WDFY4: variants seen among roughly 807,000 people sequenced by gnomAD.
The protein encoded by WDFY4 is WD repeat- and FYVE domain-containing protein 4.
A neutral mutation model predicts 351.9 loss-of-function variants in WDFY4; 169 were observed. The ratio of observed to expected loss-of-function variants is 0.48; its 90% CI spans 0.42 to 0.55. The LOEUF is 0.55. Ranked by LOEUF, WDFY4 falls within the 20% of genes least tolerant of loss-of-function variation. The pLI is 0.00. For synonymous variants in WDFY4, 1,622 were observed against 1,574.6 expected, an observed-to-expected ratio of 1.03 and a Z score of -0.71; for missense variants, 3,803 against 3,935.6, an observed-to-expected ratio of 0.97 and a Z score of 0.90.
chr10:48,729,654 G>A (rs1466927402), intron 8 of WDFY4, 65 bp downstream of exon 8: 94 of 1,515,462 alleles, frequency 6.2e-5, no homozygotes, highest in Non-Finnish European at 8.3e-5. Flanking sequence ...GGCTACAGAG[G>A]GTCTTCTCCT....
rs368670265 is a variant in WDFY4 at position 48,976,909 on chromosome 10, G to T, written c.9221G>T (p.Cys3074Phe). 281 of 1,538,282 alleles carry T rather than the reference G, an allele frequency of 1.8e-4. 1 individual carries two copies. The highest frequency in any genetic ancestry group is 2.2e-4 in the Non-Finnish European group (255 of 1,139,608). ...CCAGAAGGAGCCATAACCTGCTGCT[G>T]CCTGATGGAGGGCCCAGCATGGGAC... ...WGPEGAITCC[C>F]LMEGPAWDTS... The change falls in exon 59 of 62, where the codon TGC (cysteine) becomes TTC (phenylalanine). Residue 3074 changes from cysteine (C) to phenylalanine (F), a missense_variant. This residue lies in a region of WDFY4 where 3,054 missense variants were observed against 3,148.6 expected (regional missense o/e 0.97). Transcript: ENST00000325239.
At chr10:48,860,022 A>C (rs1300106883) in intron 39 of WDFY4, among the ~76,000 whole-genome samples, 1 of 152,236 alleles carries the variant, frequency 6.6e-6, no homozygotes. Context: ...TATGCCTGCC[A>C]GGTCAGTAGA....
intron 1 of WDFY4, among the ~76,000 whole-genome samples, chr10:48,706,815 C>T (rs2063643884): frequency 6.6e-6 from 1 of 152,104 alleles, no homozygotes; most frequent in Non-Finnish European, 1.5e-5. Flanking sequence ...TTTTATAGTA[C>T]TGAATAATTG....
At chr10:48,916,743 C>T (rs1449665999) in intron 47 of WDFY4, among the ~76,000 whole-genome samples, 1 of 152,166 alleles carries the variant, frequency 6.6e-6, no homozygotes, top group East Asian at 1.9e-4. Flanking sequence ...CCTGAGCTGC[C>T]TCTGTTTAAA....
At chr10:48,697,621 C>T (rs907751642) in intron 1 of WDFY4, among the ~76,000 whole-genome samples, 1 of 152,164 alleles carries the variant, frequency 6.6e-6, no homozygotes, top group Non-Finnish European at 1.5e-5. Context: ...TCCAGGGTCC[C>T]GCCTTCTTTC....
At position 48,877,076 on chromosome 10, in the gene WDFY4, G is replaced by C. The variant is rs908918165; in HGVS notation, c.7044G>C (p.Val2348=). Residue 2348 remains valine, a synonymous_variant, in exon 43 of 62, where the codon GTG becomes GTC. Coordinates refer to ENST00000325239, the MANE Select transcript of WDFY4 (RefSeq NM_001394531.1). ...LREAEGEPDE[V]GVDCTQLTFF... Reference sequence around the variant, plus strand: ...AGGCTGAGGGCGAGCCGGACGAGGTGGGGGTGGACTGCACCCAGCTGACCT... The same window carrying C: ...AGGCTGAGGGCGAGCCGGACGAGGTCGGGGTGGACTGCACCCAGCTGACCT... 26 of 1,530,344 alleles carry C rather than the reference G, an allele frequency of 1.7e-5. No individual in the cohort carries two copies. Among genetic ancestry groups the C allele is most frequent in the Non-Finnish European group, 1.9e-5 (22 of 1,135,124 alleles). 94.8% of individuals were successfully genotyped at this position (1,530,344 alleles called of 1,614,324 possible).
At chr10:48,744,364 G>A (rs1220403886) in intron 12 of WDFY4, among the ~76,000 whole-genome samples, 1 of 152,228 alleles carries the variant, frequency 6.6e-6, no homozygotes, top group Non-Finnish European at 1.5e-5. Context: ...ATGGTAGAGA[G>A]AAGGATGCAT....
intron 47 of WDFY4, among the ~76,000 whole-genome samples, chr10:48,922,494 A>G (rs551359038): frequency 3.2e-4 from 48 of 152,236 alleles, no homozygotes; most frequent in Non-Finnish European, 6.2e-4. Context: ...TGAATCTTCT[A>G]TCTGTGAAGT....
In WDFY4 at chr10:48,886,794, C is replaced by A. The variant is rs1162248175; in HGVS notation, c.7168-3785C>A. Among the ~76,000 whole-genome samples the A allele has an allele frequency of 5.9e-5, 9 of 152,366 alleles. 1 individual carries two copies. Among genetic ancestry groups the A allele is most frequent in the African/African-American group, 2.2e-4 (9 of 41,590 alleles). On this transcript the variant is annotated intron_variant, in intron 43 of 61. Coordinates refer to ENST00000325239, the MANE Select transcript of WDFY4 (RefSeq NM_001394531.1). ...AACCTGTTTGTCATCATACACAGAG[C>A]TAGCTGTGGCTACTTTCTTAGTTAT...
chr10:48,914,293 G>A (rs1186509047), intron 47 of WDFY4: 13 of 896,620 alleles, frequency 1.4e-5, no homozygotes, highest in African/African-American at 1.2e-4. Context: ...GCTCCCCCAC[G>A]TCATGACGCT....
intron 40 of WDFY4, among the ~76,000 whole-genome samples, chr10:48,871,504 T>C (rs1157655507): frequency 1.3e-5 from 2 of 151,536 alleles, no homozygotes; most frequent in Non-Finnish European, 2.9e-5. Context: ...AAGGAGGGTC[T>C]TATTTTGTTG....
chr10:48,977,871 C>T lies in WDFY4; in HGVS notation c.9292-438C>T, dbSNP rs192414557. Among the ~76,000 whole-genome samples the T allele has an allele frequency of 9.6e-4, 146 of 152,290 alleles. 1 individual carries two copies. The highest frequency in any genetic ancestry group is 8.4e-3 in the Admixed American group (128 of 15,298). ...TGAGAAGCCATTTTGAGTGAGTTGG[C>T]CTCAGGGCTCCCACAGTAGGCTTAG... On this transcript the variant is annotated intron_variant, in intron 59 of 61. Coordinates refer to ENST00000325239, the MANE Select transcript of WDFY4 (RefSeq NM_001394531.1).
At chr10:48,946,435 T>A (rs1841046903) in intron 50 of WDFY4, among the ~76,000 whole-genome samples, 1 of 152,272 alleles carries the variant, frequency 6.6e-6, no homozygotes, top group African/African-American at 2.4e-5. Flanking sequence ...TAAGAGGTAA[T>A]GACTCCATGC....
intron 47 of WDFY4, among the ~76,000 whole-genome samples, chr10:48,938,955 G>T (rs572761695): frequency 6.6e-6 from 1 of 152,154 alleles, no homozygotes; most frequent in Non-Finnish European, 1.5e-5. Flanking sequence ...CCGGGTAACC[G>T]CCACAATCCT....
intron 47 of WDFY4, chr10:48,914,113 G>A (rs867883375): frequency 6.8e-6 from 11 of 1,614,166 alleles, no homozygotes; most frequent in Non-Finnish European, 8.5e-6. Flanking sequence ...GCCACCTTGA[G>A]GGTGATCTTC....
chr10:48,741,179 G>C (rs1249592970), intron 11 of WDFY4, among the ~76,000 whole-genome samples: 1 of 152,078 alleles, frequency 6.6e-6, no homozygotes, highest in Non-Finnish European at 1.5e-5. Flanking sequence ...TGTGTTCTCT[G>C]ACCTGGAATG....
chr10:48,913,341 C>T, intron 47 of WDFY4: 2 of 1,559,542 alleles, frequency 1.3e-6, no homozygotes, highest in South Asian at 2.3e-5. Flanking sequence ...CCACTGCCCT[C>T]TTCCCTCCCT....
intron 49 of WDFY4, 146 bp from the exon 50 acceptor site, chr10:48,945,892 TAA>T (rs1314778823): frequency 2.4e-5 from 13 of 551,992 alleles, no homozygotes; most frequent in Non-Finnish European, 4.1e-5. Context: ...TCTGGGGCCA[TAA>T]AACCCCAGCC....
At position 48,817,390 on chromosome 10, in the gene WDFY4, T is replaced by C; in HGVS notation, c.5486T>C (p.Phe1829Ser). The change falls in exon 32 of 62, where the codon TTC (phenylalanine) becomes TCC (serine). Residue 1829 changes from phenylalanine (F) to serine (S), a missense_variant. Coordinates refer to ENST00000325239, the MANE Select transcript of WDFY4 (RefSeq NM_001394531.1). ...CTCCAGACCTTGGCCATAGCCGCCT[T>C]CCCCCTGGGAGCCCAAAAGGTAGGA... ...EFLQTLAIAA[F>S]PLGAQKGVGA... 1 of 1,550,262 alleles carries C rather than the reference T, an allele frequency of 6.5e-7. No homozygotes were observed. The highest frequency in any genetic ancestry group is 8.7e-7 in the Non-Finnish European group (1 of 1,146,028).
Sources: allele counts gnomAD v4.1 joint callset (sites outside exome capture counted in the v4.1 genomes callset), GRCh38; gene constraint gnomAD v4.1.1; regional missense constraint gnomAD v4.1.1; transcripts MANE v1.5; gene names NCBI Gene and HGNC (gene_info 2026-07-23, HGNC 2026-07-21).